ATP7B: variants seen among roughly 807,000 people sequenced by gnomAD.
ATP7B encodes the protein ATPase copper transporting beta.
A neutral mutation model predicts 118.9 loss-of-function variants in ATP7B; 113 were observed. The ratio of observed to expected loss-of-function variants is 0.95; its 90% CI spans 0.82 to 1.11. The LOEUF (loss-of-function observed/expected upper bound fraction) is 1.11, where lower values mean the gene tolerates loss of function less well. Ranked by LOEUF, ATP7B falls within the 50% of genes most tolerant of loss-of-function variation. ATP7B has a pLI of 0.00. For synonymous variants in ATP7B, 777 were observed against 727.4 expected, an observed-to-expected ratio of 1.07 and a Z score of -1.10; for missense variants, 1,867 against 1,871.4, an observed-to-expected ratio of 1.00 and a Z score of 0.04.
At chr13:51,942,820 C>T (rs548353513) in intron 14 of ATP7B, among the ~76,000 whole-genome samples, 1 of 152,260 alleles carries the variant, frequency 6.6e-6, no homozygotes, top group African/African-American at 2.4e-5. Context: ...AAATCCTTCC[C>T]TGGGTGGGTG....
In ATP7B at chr13:51,935,048, ACAGCATCTGAGC is replaced by A; in HGVS notation, c.4125-31_4125-20del. 6.2e-7 allele frequency: 1 copy of A among 1,612,808 alleles called. No homozygotes were observed. Among genetic ancestry groups the A allele is most frequent in the South Asian group, 1.1e-5 (1 of 91,028 alleles). On this transcript the variant is annotated intron_variant, in intron 20 of 20. Transcript: ENST00000242839. ...CTTATAGCTGGAAAGCAGGAACGCA[ACAGCATCTGAGC>A]CATTCTAGAAACAAGGCTTTTTTTT...
intron 9 of ATP7B, among the ~76,000 whole-genome samples, chr13:51,955,035 T>C (rs897160008): frequency 6.6e-6 from 1 of 152,122 alleles, no homozygotes; most frequent in Admixed American, 6.5e-5. Flanking sequence ...GGATCGCACC[T>C]AGAAACGCTG....
At position 51,973,416 on chromosome 13, in the gene ATP7B, T is replaced by G. The variant is rs1402880084; in HGVS notation, c.1285+519A>C. On this transcript the variant is annotated intron_variant, in intron 2 of 20. Transcript: ENST00000242839. ...GTTAAAAGGTGAGGGCTTTAAGAAGTGACTGGATCATGAGGGTTCTACCCT... is the reference window on the plus strand; with the variant it reads ...GTTAAAAGGTGAGGGCTTTAAGAAGGGACTGGATCATGAGGGTTCTACCCT... 2.0e-5 allele frequency among the ~76,000 whole-genome samples: 3 copies of G among 152,184 alleles called. No individual in the cohort carries two copies. The East Asian group carries it at 5.8e-4, about 29-fold the overall frequency.
chr13:51,964,110 C>A (rs1399667426), intron 5 of ATP7B, among the ~76,000 whole-genome samples: 1 of 140,488 alleles, frequency 7.1e-6, no homozygotes, highest in East Asian at 2.0e-4. Flanking sequence ...TCTCTTTAAA[C>A]ACACACACAC....
rs121908001 is a variant in ATP7B at position 51,960,198 on chromosome 13, C to T, written c.2071G>A (p.Gly691Arg). 2 of 1,613,938 alleles carry T rather than the reference C, an allele frequency of 1.2e-6. No individual in the cohort carries two copies. The highest frequency in any genetic ancestry group is 8.5e-7 in the Non-Finnish European group (1 of 1,179,858). ...SMVLDHNIIP[G>R]LSILNLIFFI... ...AAGATGAGATTTAGAATGGACAGTC[C>T]TGGAATGATGTTGTGGTCCAGGACC... Residue 691 changes from glycine to arginine, a missense_variant, in exon 7 of 21, where the codon GGA (glycine) becomes AGA (arginine). By Grantham distance (125) the Gly-to-Arg change is moderately radical. Transcript: ENST00000242839.
intron 1 of ATP7B, among the ~76,000 whole-genome samples, chr13:52,010,880 T>C (rs764182863): frequency 6.6e-6 from 1 of 152,222 alleles, no homozygotes; most frequent in Non-Finnish European, 1.5e-5. Context: ...ACTTGTACAA[T>C]TAAAATGAAT....
At chr13:51,948,786 A>G (rs1438009001) in intron 12 of ATP7B, among the ~76,000 whole-genome samples, 2 of 152,218 alleles carry the variant, frequency 1.3e-5, no homozygotes, top group African/African-American at 4.8e-5. Context: ...TAATAAAACC[A>G]TATTTCCTAA....
rs775541743 is a variant in ATP7B at position 51,942,481 on chromosome 13, A to T, written c.3317T>A (p.Val1106Asp). The change falls in exon 15 of 21, where the codon GTC (valine) becomes GAC (aspartate). Residue 1106 changes from valine to aspartate, a missense_variant. Coordinates refer to ENST00000242839, the MANE Select transcript of ATP7B (RefSeq NM_000053.4). ...GGCCAGGATGCCTTCCACGTTGCTG[A>T]CTTTGCACCCAATTCCACAGCCTGG... ...AVPGCGIGCK[V>D]SNVEGILAHS... 5 of 1,614,206 alleles carry T rather than the reference A, an allele frequency of 3.1e-6. No homozygotes were observed. The highest frequency in any genetic ancestry group is 4.2e-6 in the Non-Finnish European group (5 of 1,180,038).
chr13:51,999,206 A>G (rs1953364796), intron 1 of ATP7B, among the ~76,000 whole-genome samples: 1 of 152,220 alleles, frequency 6.6e-6, no homozygotes, highest in South Asian at 2.1e-4. Context: ...TTGGAAGTTT[A>G]CTGGCAAGTT....
At chr13:51,960,347 G>C in intron 6 of ATP7B, 25 bp from the exon 7 acceptor site, 1 of 1,608,760 alleles carries the variant, frequency 6.2e-7, no homozygotes, top group Non-Finnish European at 8.5e-7. Flanking sequence ...CAGCAACACA[G>C]ATATATCAGA....
At chr13:51,980,856 T>C (rs906321521) in intron 1 of ATP7B, among the ~76,000 whole-genome samples, 1 of 146,138 alleles carries the variant, frequency 6.8e-6, no homozygotes, top group Admixed American at 6.7e-5. Flanking sequence ...GAGGCAAACA[T>C]GTTATACATG....
At chr13:52,000,681 C>T (rs1322538179) in intron 1 of ATP7B, among the ~76,000 whole-genome samples, 1 of 152,208 alleles carries the variant, frequency 6.6e-6, no homozygotes, top group African/African-American at 2.4e-5. Context: ...AAATACAACT[C>T]CTTCCCTCCA....
At chr13:51,985,402 C>T (rs1429024655) in intron 1 of ATP7B, among the ~76,000 whole-genome samples, 1 of 152,146 alleles carries the variant, frequency 6.6e-6, no homozygotes, top group African/African-American at 2.4e-5. Flanking sequence ...TACAGGAACA[C>T]CCAGATTCAT....
intron 1 of ATP7B, among the ~76,000 whole-genome samples, chr13:52,000,105 A>T (rs1213288524): frequency 6.6e-6 from 1 of 151,728 alleles, no homozygotes; most frequent in East Asian, 1.9e-4. Flanking sequence ...TTCCATCTCT[A>T]CTCATTCCTT....
Position 51,939,093 on chromosome 13 carries a change from G to A in ATP7B, c.3657C>T (p.Ile1219=). ...LQSMGVDVVL[I]TGDNRKTARA... ...TGGCTGTCTTCCGGTTGTCCCCCGT[G>A]ATCAGAACCACGTCCACACCCATGC... Residue 1219 remains isoleucine (I), a synonymous_variant, in exon 17 of 21, where the codon ATC becomes ATT. Transcript: ENST00000242839. 1.2e-6 allele frequency: 2 copies of A among 1,614,228 alleles called. No homozygotes were observed. The highest frequency in any genetic ancestry group is 1.7e-6 in the Non-Finnish European group (2 of 1,180,052).
chr13:51,934,616 G>T lies in ATP7B; in HGVS notation c.*140C>A. ...CACCCAGACAAGGCCGCGTGCTGCA[G>T]GGCAGGATGACTGGACATATCCAGG... On this transcript the variant is annotated 3_prime_UTR_variant, in exon 21 of 21. Coordinates refer to ENST00000242839, the MANE Select transcript of ATP7B (RefSeq NM_000053.4). 7.2e-7 allele frequency: 1 copy of T among 1,385,350 alleles called. No homozygotes were observed. Among genetic ancestry groups the T allele is most frequent in the Non-Finnish European group, 9.9e-7 (1 of 1,006,816 alleles). 85.8% of individuals were successfully genotyped at this position (1,385,350 alleles called of 1,614,324 possible).
intron 11 of ATP7B, 100 bp from the exon 12 acceptor site, chr13:51,949,896 CCA>C: frequency 6.2e-7 from 1 of 1,609,108 alleles, no homozygotes; most frequent in Non-Finnish European, 8.5e-7. Context: ...CTTCATTTAA[CCA>C]CATTTACTAA....
chr13:51,934,685 C>T lies in ATP7B; in HGVS notation c.*71G>A. On this transcript the variant is annotated 3_prime_UTR_variant, in exon 21 of 21. Coordinates refer to ENST00000242839, the MANE Select transcript of ATP7B (RefSeq NM_000053.4). ...CTGGAGGCTAGCTCAGCCCATCCTG[C>T]TGCTGGCTGTCCTGCTCAGCTTGTG... 5 of 1,600,126 alleles carry T rather than the reference C, an allele frequency of 3.1e-6. No homozygotes were observed. The highest frequency in any genetic ancestry group is 4.3e-6 in the Non-Finnish European group (5 of 1,175,742).
In ATP7B at chr13:51,941,261, C is replaced by T. The variant is rs1253142793; in HGVS notation, c.3413-37G>A. The T allele has an allele frequency of 9.3e-6, 15 of 1,610,848 alleles. No individual in the cohort carries two copies. In the East Asian group the frequency reaches 3.1e-4, roughly 34 times the overall value. On this transcript the variant is annotated intron_variant, in intron 15 of 20. Coordinates refer to ENST00000242839, the MANE Select transcript of ATP7B (RefSeq NM_000053.4). Reference sequence around the variant, plus strand: ...AGGCTGTGGTTATTTCTAAATGGTCCAATTTCACTGTGAACTAAAAACCAT... The same window carrying T: ...AGGCTGTGGTTATTTCTAAATGGTCTAATTTCACTGTGAACTAAAAACCAT...
Sources: gnomAD v4.1 joint callset for allele counts (sites outside exome capture counted in the v4.1 genomes callset) on GRCh38, gnomAD v4.1.1 for gene constraint, MANE v1.5 for transcripts, NCBI Gene and HGNC (gene_info 2026-07-23, HGNC 2026-07-21) for gene names.